Variants in FARS2 observed in about 807,000 individuals in gnomAD.
FARS2 encodes phenylalanyl-tRNA synthetase 2, mitochondrial.
FARS2 carries 40 observed loss-of-function variants against 46.4 expected under a neutral mutation model. The ratio of observed to expected loss-of-function variants is 0.86; its 90% confidence interval spans 0.67 to 1.12. The LOEUF (loss-of-function observed/expected upper bound fraction) is 1.12. FARS2 is among the 50% of genes most tolerant of loss of function. The pLI is 0.00. For missense variants in FARS2, 513 were observed against 567.9 expected, an observed-to-expected ratio of 0.90 and a Z score of 0.98; for synonymous variants, 234 against 214.9, an observed-to-expected ratio of 1.09 and a Z score of -0.78.
intron 1 of FARS2, among the ~76,000 whole-genome samples, chr6:5,300,488 A>C (rs1468989929): frequency 1.3e-5 from 2 of 151,918 alleles, no homozygotes; most frequent in Admixed American, 6.6e-5. Context: ...TAATTTCATG[A>C]CGGTTGTGGG....
chr6:5,453,453 T>C (rs1004869003), intron 4 of FARS2, among the ~76,000 whole-genome samples: 6 of 152,188 alleles, frequency 3.9e-5, no homozygotes, highest in Non-Finnish European at 8.8e-5. Flanking sequence ...GAAAGCACAA[T>C]ATTCTTGACC....
At chr6:5,366,235 G>T (rs1290741127) in intron 1 of FARS2, among the ~76,000 whole-genome samples, 1 of 152,176 alleles carries the variant, frequency 6.6e-6, no homozygotes, top group Admixed American at 6.5e-5. Flanking sequence ...TGGTAAAGTG[G>T]TACGAACAAT....
chr6:5,545,077 T>C (rs1770877787), intron 4 of FARS2, 103 bp from the exon 5 acceptor site: 2 of 1,119,260 alleles, frequency 1.8e-6, no homozygotes, highest in Non-Finnish European at 2.6e-6. Context: ...CTTTGCCCGC[T>C]GGTAGGCATC....
intron 4 of FARS2, chr6:5,466,927 C>T: frequency 2.0e-6 from 2 of 985,420 alleles, no homozygotes. Flanking sequence ...GCTGCAGTGA[C>T]TTCTCTCTTT....
At chr6:5,359,082 C>T (rs1004223177) in intron 1 of FARS2, among the ~76,000 whole-genome samples, 4 of 133,216 alleles carry the variant, frequency 3.0e-5, no homozygotes, top group South Asian at 2.4e-4. Context: ...CTCTGTCACC[C>T]AGGCTGGAGT....
Position 5,658,262 on chromosome 6 carries a change from A to G in FARS2, c.1217+44942A>G, listed in dbSNP as rs1677944876. On this transcript the variant is annotated intron_variant, in intron 6 of 6. Coordinates refer to ENST00000274680, the MANE Select transcript of FARS2 (RefSeq NM_006567.5). ...CAAGAGTGAAACTCTGTCTCAAAAAAAAAAAAAAAAGAGAACTTAGAACAG... is the reference window on the plus strand; with the variant it reads ...CAAGAGTGAAACTCTGTCTCAAAAAGAAAAAAAAAAGAGAACTTAGAACAG... Among the ~76,000 whole-genome samples, 5 of 152,154 alleles carry G rather than the reference A, an allele frequency of 3.3e-5. No individual in the cohort carries two copies. The South Asian group carries it at 1.0e-3, about 31-fold the overall frequency.
intron 4 of FARS2, among the ~76,000 whole-genome samples, chr6:5,530,895 CTA>C (rs1355611714): frequency 6.8e-6 from 1 of 146,604 alleles, no homozygotes; most frequent in East Asian, 2.0e-4. Flanking sequence ...TAGTTACAAT[CTA>C]TGTATAACTA....
intron 6 of FARS2, among the ~76,000 whole-genome samples, chr6:5,641,932 T>C (rs73718334): frequency 0.023 from 3,452 of 152,310 alleles, 98 homozygotes; most frequent in African/African-American, 0.057. Flanking sequence ...GGAAAGCTGC[T>C]GTTTGACACT....
intron 1 of FARS2, among the ~76,000 whole-genome samples, chr6:5,309,433 A>G (rs1313211622): frequency 6.6e-6 from 1 of 152,214 alleles, no homozygotes; most frequent in African/African-American, 2.4e-5. Flanking sequence ...CTAATTTCAT[A>G]AAAGCAAAAT....
intron 6 of FARS2, among the ~76,000 whole-genome samples, chr6:5,631,744 T>C (rs1410023608): frequency 6.6e-6 from 1 of 152,262 alleles, no homozygotes; most frequent in Admixed American, 6.5e-5. Flanking sequence ...ACTGTAATTA[T>C]ACTGCTTGAC....
At position 5,709,692 on chromosome 6, in the gene FARS2, G is replaced by GTC. The variant is rs1157437113; in HGVS notation, c.1218-61598_1218-61597insCT. On this transcript the variant is annotated intron_variant, in intron 6 of 6. Transcript: ENST00000274680. ...AGAGGGTGTGTGTGTGTGTGTGTGT[G>GTC]TGTGTGCGCATGCACGTGCATGTTG... Among the ~76,000 whole-genome samples the GTC allele has an allele frequency of 2.5e-4, 7 of 27,574 alleles. No homozygotes were observed. In the East Asian group the frequency reaches 7.8e-3, roughly 31 times the overall value. 18.1% of individuals were successfully genotyped at this position (27,574 alleles called of 152,430 possible).
At chr6:5,393,804 C>A (rs190237932) in intron 2 of FARS2, among the ~76,000 whole-genome samples, 2 of 152,222 alleles carry the variant, frequency 1.3e-5, no homozygotes, top group Non-Finnish European at 2.9e-5. Flanking sequence ...GTCCTCCTTG[C>A]GTGAGGATGG....
chr6:5,717,607 C>T (rs1234011567), intron 6 of FARS2, among the ~76,000 whole-genome samples: 2 of 152,040 alleles, frequency 1.3e-5, no homozygotes, highest in African/African-American at 4.8e-5. Flanking sequence ...TGGGTTTTGG[C>T]AAGACTACTT....
intron 4 of FARS2, among the ~76,000 whole-genome samples, chr6:5,435,022 A>G (rs141747750): frequency 3.5e-4 from 53 of 152,330 alleles, no homozygotes; most frequent in South Asian, 1.9e-3. Context: ...CATGATAACA[A>G]GGTTCCCAGG....
intron 6 of FARS2, among the ~76,000 whole-genome samples, chr6:5,719,871 G>T (rs1759774983): frequency 6.6e-6 from 1 of 152,186 alleles, no homozygotes; most frequent in South Asian, 2.1e-4. Context: ...GCTTAAACTT[G>T]AGACAGCTTG....
At chr6:5,712,753 T>C (rs1237801056) in intron 6 of FARS2, among the ~76,000 whole-genome samples, 2 of 152,206 alleles carry the variant, frequency 1.3e-5, no homozygotes, top group Non-Finnish European at 1.5e-5. Flanking sequence ...GTCCTTGCTT[T>C]GTAATCCTGA....
chr6:5,615,512 A>C (rs970304683), intron 6 of FARS2, among the ~76,000 whole-genome samples: 1 of 152,166 alleles, frequency 6.6e-6, no homozygotes, highest in Non-Finnish European at 1.5e-5. Flanking sequence ...GTCTTCCTTC[A>C]TAGAGAAATT....
At chr6:5,609,903 A>C in intron 5 of FARS2, 1 of 1,037,740 alleles carries the variant, frequency 9.6e-7, no homozygotes, top group Non-Finnish European at 1.5e-6. Context: ...TTAAGTGGGC[A>C]TCTGGTGTTT....
At chr6:5,657,957 T>C (rs1006172393) in intron 6 of FARS2, among the ~76,000 whole-genome samples, 3 of 152,200 alleles carry the variant, frequency 2.0e-5, no homozygotes, top group African/African-American at 4.8e-5. Context: ...TAAAAATGCC[T>C]TCCTCATAAT....
Sources: gnomAD v4.1 joint callset for allele counts (sites outside exome capture counted in the v4.1 genomes callset) on GRCh38, gnomAD v4.1.1 for gene constraint, MANE v1.5 for transcripts, NCBI Gene and HGNC (gene_info 2026-07-23, HGNC 2026-07-21) for gene names.